DEK: variants seen among roughly 807,000 people sequenced by gnomAD.
DEK encodes the protein DEK proto-oncogene, also known as protein DEK.
DEK carries 28 observed loss-of-function variants against 46.8 expected under a neutral mutation model. The observed-to-expected ratio is 0.60, with a 90% CI of 0.44 to 0.82. The LOEUF is 0.82. Ranked by LOEUF, DEK falls within the 40% of genes least tolerant of loss-of-function variation. The pLI is 0.00. For missense variants in DEK, 416 were observed against 430.6 expected (o/e 0.97, Z 0.30); for synonymous variants, 160 against 144.5 (o/e 1.11, Z -0.77).
rs200094366 is a variant in DEK at position 18,257,929 on chromosome 6, G to A, written c.357+24C>T. On this transcript the variant is annotated intron_variant, in intron 4 of 10. Coordinates refer to ENST00000652689, the MANE Select transcript of DEK (RefSeq NM_003472.4). The stretch of plus-strand genomic sequence containing the variant: ...CCATTGTGAAGTAATATACAAGTAG[G>A]TTTAAAGTGTAAAAAGGTCTTACAG... 3 of 1,516,700 alleles carry A rather than the reference G, an allele frequency of 2.0e-6. No individual in the cohort carries two copies. In the East Asian group the frequency reaches 6.8e-5, roughly 34 times the overall value. 94.0% of individuals were successfully genotyped at this position (1,516,700 alleles called of 1,614,324 possible). A position where few individuals can be genotyped will look rare whatever the true frequency, so the allele number is the denominator to read the frequency against.
rs1791571572 is a variant in DEK at position 18,255,869 on chromosome 6, A to G, written c.453-18T>C. On this transcript the variant is annotated intron_variant, in intron 5 of 10. Coordinates refer to ENST00000652689, the MANE Select transcript of DEK (RefSeq NM_003472.4). ...TTCTAAATCTGAAACAGAAAATGGA[A>G]GAAACCAAGGTGTTAATATAGGAAA... The G allele has an allele frequency of 1.3e-6, 2 of 1,592,720 alleles. No homozygotes were observed. The highest frequency in any genetic ancestry group is 1.8e-5 in the Admixed American group (1 of 54,452).
chr6:18,236,728 A>G, intron 8 of DEK, 128 bp from the exon 9 acceptor site: 1 of 581,468 alleles, frequency 1.7e-6, no homozygotes, highest in Non-Finnish European at 2.6e-6. Context: ...ATAAATCACT[A>G]CTCTACAGTT....
chr6:18,264,476 G>A lies in DEK; in HGVS notation c.-101C>T, dbSNP rs1444769942. On this transcript the variant is annotated 5_prime_UTR_variant, in exon 1 of 11. Transcript: ENST00000652689. ...CCGACGCCGAGGAGAAGGCGCGCGG[G>A]CCGCTGTCTGGCGTGACGCTCGCGC... 2 of 282,722 alleles carry A rather than the reference G, an allele frequency of 7.1e-6. No homozygotes were observed. The highest frequency in any genetic ancestry group is 6.1e-5 in the South Asian group (2 of 32,570). The allele number at this position is 282,722 out of a possible 1,614,324, so 17.5% of individuals were successfully genotyped here.
intron 1 of DEK, 167 bp from the exon 2 acceptor site, chr6:18,264,163 C>G (rs927023124): frequency 3.9e-6 from 2 of 510,712 alleles, no homozygotes; most frequent in African/African-American, 4.0e-5. Context: ...GCTTCCCTCC[C>G]GCTCCGCCGC....
chr6:18,257,824 A>G, intron 4 of DEK, 129 bp downstream of exon 4: 3 of 472,310 alleles, frequency 6.4e-6, no homozygotes, highest in Admixed American at 4.1e-5. Context: ...AAATCATTTA[A>G]TAAGTATATA....
At chr6:18,227,842 T>C (rs1790209911) in intron 9 of DEK, among the ~76,000 whole-genome samples, 1 of 152,210 alleles carries the variant, frequency 6.6e-6, no homozygotes, top group Admixed American at 6.5e-5. Flanking sequence ...TTCTTTCTTC[T>C]CCAACCCTTG....
At chr6:18,242,540 G>A (rs918172619) in intron 7 of DEK, among the ~76,000 whole-genome samples, 7 of 152,148 alleles carry the variant, frequency 4.6e-5, no homozygotes, top group Non-Finnish European at 8.8e-5. Flanking sequence ...GAAATCTCAT[G>A]TCATCCTGCT....
intron 9 of DEK, among the ~76,000 whole-genome samples, chr6:18,227,934 C>G (rs138738554): frequency 0.016 from 2,457 of 152,262 alleles, 23 homozygotes; most frequent in Middle Eastern, 0.027. Flanking sequence ...CAGTCCCTCC[C>G]TAAAGTTAAA....
rs1790061202 is a variant in DEK, at chr6:18,225,281, C to G, written c.*438G>C. On this transcript the variant is annotated 3_prime_UTR_variant, in exon 11 of 11. Transcript: ENST00000652689. ...GACACACTGCCGCTGAATTTTCACA[C>G]TGACAGAGATGTGTATTCAAAATAT... is the stretch of plus-strand genomic sequence containing the variant. The G allele has an allele frequency of 4.3e-6, 1 of 231,856 alleles. No individual in the cohort carries two copies. Among genetic ancestry groups the G allele is most frequent in the Non-Finnish European group, 8.5e-6 (1 of 117,602 alleles). 14.4% of individuals were successfully genotyped at this position (231,856 alleles called of 1,614,324 possible).
chr6:18,250,548 C>T (rs542825066), intron 6 of DEK, among the ~76,000 whole-genome samples: 36 of 140,806 alleles, frequency 2.6e-4, no homozygotes, highest in African/African-American at 8.4e-4. Flanking sequence ...ACACTCCAAT[C>T]GAAGGAATGG....
chr6:18,237,291 C>T (rs1460525762), intron 8 of DEK, 90 bp downstream of exon 8: 1 of 1,415,294 alleles, frequency 7.1e-7, no homozygotes, highest in African/African-American at 1.5e-5. Context: ...TGCAGTTTAC[C>T]TGTTTCTCCC....
chr6:18,236,693 A>C (rs926745438), intron 8 of DEK, 93 bp from the exon 9 acceptor site: 5 of 913,254 alleles, frequency 5.5e-6, no homozygotes, highest in Admixed American at 3.6e-5. Flanking sequence ...ACAGATTCTC[A>C]AAGGGGTACT....
intron 6 of DEK, among the ~76,000 whole-genome samples, chr6:18,252,680 A>T (rs1014475587): frequency 2.6e-5 from 4 of 152,182 alleles, no homozygotes; most frequent in African/African-American, 9.7e-5. Flanking sequence ...GGGTTTCCTG[A>T]GACCTTTTTC....
At chr6:18,263,230 G>C (rs1372084068) in intron 2 of DEK, among the ~76,000 whole-genome samples, 4 of 152,128 alleles carry the variant, frequency 2.6e-5, no homozygotes, top group Non-Finnish European at 5.9e-5. Context: ...GTTCGAAACC[G>C]AGACAGTGCT....
In DEK at chr6:18,236,510, TTTA is replaced by T. The variant is rs1247422930; in HGVS notation, c.986_988del (p.Ile329del). 1 of 1,606,770 alleles carries T rather than the reference TTTA, an allele frequency of 6.2e-7. No individual in the cohort carries two copies. The highest frequency in any genetic ancestry group is 8.5e-7 in the Non-Finnish European group (1 of 1,177,962). On this transcript the variant is annotated inframe_deletion, in exon 9 of 11. Coordinates refer to ENST00000652689, the MANE Select transcript of DEK (RefSeq NM_003472.4). ...CAAGTTAGCACTGGCCAGTAATTTCTTTATTGTTTCCTTTAACTCTTCATCTGT... is the reference window on the plus strand; with the variant it reads ...CAAGTTAGCACTGGCCAGTAATTTCTTTGTTTCCTTTAACTCTTCATCTGT...
chr6:18,262,294 C>CAAAAAA (rs528582239), intron 2 of DEK, among the ~76,000 whole-genome samples: 1 of 108,522 alleles, frequency 9.2e-6, no homozygotes, highest in Non-Finnish European at 2.0e-5. Flanking sequence ...TATAGTAACG[C>CAAAAAA]AAAAAAAAAA....
At chr6:18,255,967 G>A in intron 5 of DEK, 116 bp from the exon 6 acceptor site, 1 of 1,206,244 alleles carries the variant, frequency 8.3e-7, no homozygotes, top group Non-Finnish European at 1.1e-6. Context: ...TTAAAAAAGT[G>A]GCCAATGCTT....
chr6:18,238,340 A>C (rs1284387892), intron 7 of DEK, among the ~76,000 whole-genome samples: 1 of 152,190 alleles, frequency 6.6e-6, no homozygotes, highest in Non-Finnish European at 1.5e-5. Context: ...TGACTCCAGA[A>C]CTTGTGTTCT....
At chr6:18,253,375 A>G (rs1409634939) in intron 6 of DEK, among the ~76,000 whole-genome samples, 2 of 152,214 alleles carry the variant, frequency 1.3e-5, no homozygotes, top group Non-Finnish European at 2.9e-5. Context: ...CACATCTACT[A>G]CTGTGAACTT....
Sources: gnomAD v4.1 joint callset for allele counts (sites outside exome capture counted in the v4.1 genomes callset) on GRCh38, gnomAD v4.1.1 for gene constraint, MANE v1.5 for transcripts, NCBI Gene and HGNC (gene_info 2026-07-23, HGNC 2026-07-21) for gene names.